The following CNTN3 variants were observed in gnomAD, a reference collection of about 807,000 sequenced individuals.
CNTN3 encodes contactin-3.
Under a neutral mutation model 119.1 loss-of-function variants are expected in CNTN3, and 60 were observed. The ratio of observed to expected loss-of-function variants is 0.50; its 90% CI spans 0.41 to 0.62. The LOEUF (loss-of-function observed/expected upper bound fraction) is 0.62, where lower values mean the gene tolerates loss of function less well. CNTN3 is among the 20% of genes least tolerant of loss of function. The pLI, the probability that CNTN3 is intolerant of heterozygous loss-of-function variation, is 0.00. For synonymous variants in CNTN3, 450 were observed against 438.7 expected (o/e 1.03, Z -0.32); for missense variants, 1,101 against 1,242.4 (o/e 0.89, Z 1.71).
chr3:74,451,696 G>T (rs1336677519), intron 4 of CNTN3, among the ~76,000 whole-genome samples: 1 of 151,140 alleles, frequency 6.6e-6, no homozygotes, highest in African/African-American at 2.4e-5. Flanking sequence ...TTTGTATAAG[G>T]TGTAAGGAAG....
At chr3:74,480,865 AC>A (rs1702751309) in intron 4 of CNTN3, among the ~76,000 whole-genome samples, 1 of 151,976 alleles carries the variant, frequency 6.6e-6, no homozygotes, top group Non-Finnish European at 1.5e-5. Flanking sequence ...AAACATAGAT[AC>A]TAAAATTTCT....
chr3:74,393,364 A>C (rs533688883), intron 5 of CNTN3, among the ~76,000 whole-genome samples: 2 of 152,300 alleles, frequency 1.3e-5, no homozygotes, highest in East Asian at 3.9e-4. Flanking sequence ...TTGGTGTTTA[A>C]ATGTGTATGT....
At chr3:74,561,631 C>G (rs1704155733) in intron 1 of CNTN3, among the ~76,000 whole-genome samples, 1 of 152,120 alleles carries the variant, frequency 6.6e-6, no homozygotes, top group Non-Finnish European at 1.5e-5. Context: ...CTCACGTCCC[C>G]CACTACAAAT....
At chr3:74,362,203 A>T (rs569900032) in intron 10 of CNTN3, among the ~76,000 whole-genome samples, 163 bp from the exon 11 acceptor site, 2 of 152,342 alleles carry the variant, frequency 1.3e-5, no homozygotes, top group African/African-American at 4.8e-5. Flanking sequence ...AATTCATGTT[A>T]TTATGTTTTC....
At chr3:74,491,346 T>C (rs1045023054) in intron 3 of CNTN3, among the ~76,000 whole-genome samples, 4 of 140,260 alleles carry the variant, frequency 2.9e-5, no homozygotes, top group African/African-American at 1.0e-4. Context: ...AAAAAAAAAA[T>C]GTGAAAATTA....
At chr3:74,329,946 T>C (rs1703220345) in intron 13 of CNTN3, among the ~76,000 whole-genome samples, 1 of 152,158 alleles carries the variant, frequency 6.6e-6, no homozygotes, top group Non-Finnish European at 1.5e-5. Context: ...GAGAAAACTG[T>C]GTTCCAGGAA....
intron 13 of CNTN3, among the ~76,000 whole-genome samples, chr3:74,325,338 T>G (rs1162169352): frequency 2.6e-5 from 4 of 152,196 alleles, no homozygotes; most frequent in Non-Finnish European, 5.9e-5. Flanking sequence ...TCACAAGAGA[T>G]AGTATCAACT....
At chr3:74,592,054 T>A (rs1369469704) in intron 1 of CNTN3, among the ~76,000 whole-genome samples, 4 of 151,642 alleles carry the variant, frequency 2.6e-5, no homozygotes, top group African/African-American at 7.3e-5. Flanking sequence ...TGGAGACACA[T>A]AAAAAATCTC....
At chr3:74,335,382 G>A (rs369973285) in intron 12 of CNTN3, among the ~76,000 whole-genome samples, 2 of 152,070 alleles carry the variant, frequency 1.3e-5, no homozygotes, top group African/African-American at 4.8e-5. Context: ...CAAAAAGGAG[G>A]GGTACTATGT....
chr3:74,409,014 A>G (rs1375199121), intron 5 of CNTN3, among the ~76,000 whole-genome samples: 1 of 152,098 alleles, frequency 6.6e-6, no homozygotes, highest in Non-Finnish European at 1.5e-5. Context: ...AGCTTAGAAG[A>G]AGCAGTCTTC....
intron 1 of CNTN3, among the ~76,000 whole-genome samples, chr3:74,550,425 G>A (rs1361510592): frequency 6.6e-6 from 1 of 152,118 alleles, no homozygotes; most frequent in Non-Finnish European, 1.5e-5. Context: ...AAAACTTAAG[G>A]AACACCAGAA....
At chr3:74,433,413 A>G (rs904089958) in intron 4 of CNTN3, among the ~76,000 whole-genome samples, 8 of 152,150 alleles carry the variant, frequency 5.3e-5, no homozygotes, top group South Asian at 2.1e-4. Flanking sequence ...ATTTTAAAAC[A>G]GGTGTGCATT....
intron 1 of CNTN3, among the ~76,000 whole-genome samples, chr3:74,548,764 A>G (rs1703948812): frequency 6.6e-6 from 1 of 152,234 alleles, no homozygotes; most frequent in African/African-American, 2.4e-5. Flanking sequence ...GAAAAAGTTC[A>G]AAGTTTCTAA....
At chr3:74,498,509 T>C (rs1334890474) in intron 3 of CNTN3, among the ~76,000 whole-genome samples, 1 of 151,844 alleles carries the variant, frequency 6.6e-6, no homozygotes, top group East Asian at 1.9e-4. Flanking sequence ...TTTGTTGAAG[T>C]ACACAATAGG....
At chr3:74,331,661 T>C (rs1441338388) in intron 13 of CNTN3, among the ~76,000 whole-genome samples, 1 of 152,188 alleles carries the variant, frequency 6.6e-6, no homozygotes. Context: ...ATTGAACTTT[T>C]CTTGGCAAAC....
At chr3:74,443,896 C>T (rs1319807851) in intron 4 of CNTN3, among the ~76,000 whole-genome samples, 1 of 151,004 alleles carries the variant, frequency 6.6e-6, no homozygotes, top group East Asian at 1.9e-4. Flanking sequence ...AACAGCGTGG[C>T]TTAAAAAAAA....
chr3:74,429,517 TA>T (rs1701749297), intron 4 of CNTN3, among the ~76,000 whole-genome samples: 1 of 151,986 alleles, frequency 6.6e-6, no homozygotes, highest in African/African-American at 2.4e-5. Context: ...ATGTAAAACA[TA>T]AAACTATAGA....
At chr3:74,301,322 C>A (rs1702448106) in intron 16 of CNTN3, 76 bp downstream of exon 16, 22 of 1,458,560 alleles carry the variant, frequency 1.5e-5, no homozygotes, top group Non-Finnish European at 2.1e-5. Context: ...CCCCTGCTGG[C>A]CTGGAGTTCA....
At chr3:74,609,088 G>A (rs545348444) in intron 1 of CNTN3, among the ~76,000 whole-genome samples, 8 of 152,310 alleles carry the variant, frequency 5.3e-5, no homozygotes, top group African/African-American at 1.9e-4. Context: ...AGTCATGGGT[G>A]TTCCAAGCAC....
Sources: allele counts gnomAD v4.1 joint callset (sites outside exome capture counted in the v4.1 genomes callset), GRCh38; gene constraint gnomAD v4.1.1; transcripts MANE v1.5; gene names NCBI Gene and HGNC (gene_info 2026-07-23, HGNC 2026-07-21).